Variants in GPHN observed in about 807,000 individuals in gnomAD.
The protein encoded by GPHN is gephyrin.
GPHN carries 17 observed loss-of-function variants against 95.5 expected under a neutral mutation model. The ratio of observed to expected loss-of-function variants is 0.18; its 90% CI spans 0.12 to 0.27. The LOEUF is 0.27. Among genes scored for constraint, GPHN ranks in the 10% least tolerant of loss-of-function variants. GPHN has a pLI of 1.00. For missense variants in GPHN, 660 were observed against 978.1 expected, an observed-to-expected ratio of 0.67 and a Z score of 4.34; for synonymous variants, 320 against 322.5, an observed-to-expected ratio of 0.99 and a Z score of 0.08.
chr14:66,711,990 T>C lies in GPHN; in HGVS notation c.143+30805T>C, dbSNP rs543556056. On this transcript the variant is annotated intron_variant, in intron 2 of 22. Transcript: ENST00000478722. Reference sequence around the variant, plus strand: ...CACATTTTCTTAATCCAGTCTATCATTGATGGACATTTGGGTTGGTTCCAA... The same window carrying C: ...CACATTTTCTTAATCCAGTCTATCACTGATGGACATTTGGGTTGGTTCCAA... Among the ~76,000 whole-genome samples the C allele has an allele frequency of 3.9e-5, 6 of 152,308 alleles. No individual in the cohort carries two copies. The South Asian group carries it at 1.0e-3, about 26-fold the overall frequency.
At chr14:67,209,873 T>C in the GPHN span, among the ~76,000 whole-genome samples, 18 of 150,396 alleles carry the variant, frequency 1.2e-4, no homozygotes, top group South Asian at 3.8e-3. Flanking sequence ...CCTTTATATA[T>C]AAGTAGTTGG....
the GPHN span, among the ~76,000 whole-genome samples, chr14:67,436,063 C>T: frequency 6.6e-6 from 1 of 152,200 alleles, no homozygotes; most frequent in Non-Finnish European, 1.5e-5. Flanking sequence ...GGCTGATTCC[C>T]GAGGCACAGA....
At chr14:67,640,212 C>G in the GPHN span, among the ~76,000 whole-genome samples, 1 of 151,794 alleles carries the variant, frequency 6.6e-6, no homozygotes, top group African/African-American at 2.4e-5. Context: ...CTCCTCCTAC[C>G]CCTGCTCTGC....
the GPHN span, among the ~76,000 whole-genome samples, chr14:67,251,214 C>G: frequency 6.6e-6 from 1 of 152,122 alleles, no homozygotes; most frequent in Non-Finnish European, 1.5e-5. Flanking sequence ...TTGATGAAAG[C>G]CATTTTCCAC....
the GPHN span, among the ~76,000 whole-genome samples, chr14:67,369,897 GAC>G: frequency 1.3e-5 from 2 of 152,094 alleles, no homozygotes; most frequent in African/African-American, 4.8e-5. Flanking sequence ...AGGAATTAAA[GAC>G]ACACACACAC....
At chr14:67,572,361 AG>A in the GPHN span, 2 of 1,013,816 alleles carry the variant, frequency 2.0e-6, no homozygotes, top group Non-Finnish European at 2.7e-6. Context: ...CATAGGCAGT[AG>A]CTGCCTGAAG....
chr14:66,654,147 T>A (rs2065190873), intron 1 of GPHN, among the ~76,000 whole-genome samples: 3 of 152,152 alleles, frequency 2.0e-5, no homozygotes, highest in South Asian at 4.1e-4. Context: ...ATTACATTTT[T>A]TTGTTTGTTT....
the GPHN span, chr14:67,473,570 CAG>C: frequency 6.2e-7 from 1 of 1,612,906 alleles, no homozygotes; most frequent in Non-Finnish European, 8.5e-7. The surrounding 1 kb of genome is among the most constrained non-coding windows in gnomAD (Gnocchi z 6.5). Context: ...CGGCGTACTC[CAG>C]GGTGATGAGG....
the GPHN span, chr14:67,382,586 T>G: frequency 6.2e-7 from 1 of 1,613,808 alleles, no homozygotes. Flanking sequence ...AATGTTCAAA[T>G]GGAGGTGAGA....
chr14:66,918,098 TGTTATACTC>T (rs1482932972), intron 6 of GPHN, among the ~76,000 whole-genome samples: 11 of 152,220 alleles, frequency 7.2e-5, no homozygotes, highest in Non-Finnish European at 1.5e-4. Context: ...CACAGAAAGC[TGTTATACTC>T]ATGATTATTG....
At chr14:67,614,632 C>T in the GPHN span, among the ~76,000 whole-genome samples, 4,731 of 151,976 alleles carry the variant, frequency 0.031, 227 homozygotes, top group African/African-American at 0.11. Context: ...TATGGTGGCA[C>T]GCACCTGTAG....
At chr14:67,084,395 C>T (rs1012523613) in intron 11 of GPHN, among the ~76,000 whole-genome samples, 1 of 152,178 alleles carries the variant, frequency 6.6e-6, no homozygotes, top group African/African-American at 2.4e-5. Flanking sequence ...CCCCCCTCTC[C>T]TACCTGGTTT....
At chr14:66,721,225 T>C (rs2153427822) in intron 2 of GPHN, among the ~76,000 whole-genome samples, 1 of 152,290 alleles carries the variant, frequency 6.6e-6, no homozygotes, top group East Asian at 1.9e-4. Context: ...TGTAAATGCT[T>C]TCAGAGAAGA....
chr14:67,142,392 C>G (rs2080521449), intron 17 of GPHN, among the ~76,000 whole-genome samples: 2 of 152,172 alleles, frequency 1.3e-5, no homozygotes. Flanking sequence ...TTTATTCTCA[C>G]TTGATCAGTC....
the GPHN span, chr14:67,364,789 T>G: frequency 6.2e-7 from 1 of 1,613,716 alleles, no homozygotes; most frequent in African/African-American, 1.3e-5. Context: ...AAGTTGTAGA[T>G]TTTATCAACA....
chr14:67,489,786 C>A, the GPHN span, among the ~76,000 whole-genome samples: 5 of 152,238 alleles, frequency 3.3e-5, no homozygotes, highest in South Asian at 4.1e-4. Context: ...GTCAGGAGAT[C>A]GAGACCATCC....
the GPHN span, among the ~76,000 whole-genome samples, chr14:67,387,863 ATATCT>A: frequency 6.6e-6 from 1 of 152,224 alleles, no homozygotes. Context: ...GATGGGAATA[ATATCT>A]TCTTACTATG....
chr14:66,873,461 C>G (rs2063526092), intron 4 of GPHN, among the ~76,000 whole-genome samples: 1 of 152,178 alleles, frequency 6.6e-6, no homozygotes, highest in Non-Finnish European at 1.5e-5. Flanking sequence ...GCAAATTGGT[C>G]TAACTCAGCA....
chr14:67,559,723 A>G, the GPHN span: 6 of 1,465,628 alleles, frequency 4.1e-6, no homozygotes, highest in Admixed American at 3.6e-5. Context: ...GAGGCCTGCC[A>G]GAGGCATGGC....
Sources: allele counts gnomAD v4.1 joint callset (sites outside exome capture counted in the v4.1 genomes callset), GRCh38; gene constraint gnomAD v4.1.1; non-coding constraint Gnocchi (gnomAD v3.1); transcripts MANE v1.5; gene names NCBI Gene and HGNC (gene_info 2026-07-23, HGNC 2026-07-21).